SLC39A6: variants seen among roughly 807,000 people sequenced by gnomAD.
The protein encoded by SLC39A6 is solute carrier family 39 member 6.
SLC39A6 carries 51 observed loss-of-function variants against 63.5 expected under a neutral mutation model. The ratio of observed to expected loss-of-function variants is 0.80; its 90% CI spans 0.64 to 1.01. SLC39A6 has a LOEUF of 1.01. Ranked by LOEUF, SLC39A6 falls within the 50% of genes least tolerant of loss-of-function variation. The pLI, the probability that SLC39A6 is intolerant of heterozygous loss-of-function variation, is 0.00. For synonymous variants in SLC39A6, 318 were observed against 324.7 expected (o/e 0.98, Z 0.22); for missense variants, 805 against 927.8 (o/e 0.87, Z 1.72).
intron 6 of SLC39A6, among the ~76,000 whole-genome samples, chr18:36,115,622 G>C (rs981455845): frequency 6.6e-6 from 1 of 152,096 alleles, no homozygotes; most frequent in African/African-American, 2.4e-5. Flanking sequence ...GCATGTAATG[G>C]TCTCAGAGAA....
chr18:36,119,951 GAAA>G (rs1179362464), intron 5 of SLC39A6, among the ~76,000 whole-genome samples: 4 of 152,046 alleles, frequency 2.6e-5, no homozygotes, highest in African/African-American at 4.8e-5. Context: ...ATTTGGAAAT[GAAA>G]TTGAAATGAG....
At chr18:36,121,243 G>A (rs1414851013) in intron 5 of SLC39A6, among the ~76,000 whole-genome samples, 1 of 151,568 alleles carries the variant, frequency 6.6e-6, no homozygotes, top group Non-Finnish European at 1.5e-5. Flanking sequence ...TGCAGCATCC[G>A]CCTCCCAAGT....
intron 6 of SLC39A6, among the ~76,000 whole-genome samples, chr18:36,115,736 T>C (rs190081015): frequency 2.6e-5 from 4 of 152,082 alleles, no homozygotes; most frequent in Admixed American, 2.0e-4. Flanking sequence ...CAGTGAACAA[T>C]GCGGGAGAGT....
chr18:36,109,541 A>AC lies in SLC39A6; in HGVS notation c.*51dup. On this transcript the variant is annotated 3_prime_UTR_variant, in exon 10 of 10. Coordinates refer to ENST00000269187, the MANE Select transcript of SLC39A6 (RefSeq NM_012319.4). ...CAGCATACAAACTCATCTCCCTATG[A>AC]CCTACTGAAACTATGACAACTTTTT... 7.0e-7 allele frequency: 1 copy of AC among 1,433,650 alleles called. No individual in the cohort carries two copies. The allele number at this position is 1,433,650 out of a possible 1,614,324, so 88.8% of individuals were successfully genotyped here. A position where few individuals can be genotyped will look rare whatever the true frequency, so the allele number is the denominator to read the frequency against.
At chr18:36,127,705 A>G (rs1443130313) in intron 1 of SLC39A6, among the ~76,000 whole-genome samples, 1 of 151,728 alleles carries the variant, frequency 6.6e-6, no homozygotes, top group Admixed American at 6.6e-5. Flanking sequence ...AAGGTGCTCA[A>G]TTTTGCCAGT....
chr18:36,115,696 C>T (rs1464330716), intron 6 of SLC39A6, among the ~76,000 whole-genome samples: 1 of 152,022 alleles, frequency 6.6e-6, no homozygotes, highest in Non-Finnish European at 1.5e-5. Flanking sequence ...GTGCTCCCAG[C>T]GTGAAAAGAG....
chr18:36,111,993 TATAAA>T (rs2089304855), intron 8 of SLC39A6, among the ~76,000 whole-genome samples: 1 of 152,060 alleles, frequency 6.6e-6, no homozygotes, highest in Non-Finnish European at 1.5e-5. Flanking sequence ...ATGCTACAAT[TATAAA>T]AGGAGAAAAG....
rs7237745 is a variant in SLC39A6 at position 36,119,683 on chromosome 18, T to C, written c.1359+2369A>G. ...TCTGTGTCAGATAACAGAGGGCCTA[T>C]TTCTTGGAGTCCTAGGTTAAAGAGG... On this transcript the variant is annotated intron_variant, in intron 5 of 9. Transcript: ENST00000269187. 7.7e-3 allele frequency among the ~76,000 whole-genome samples: 1,173 copies of C among 152,254 alleles called. 22 individuals carry two copies. The highest frequency in any genetic ancestry group is 0.026 in the African/African-American group (1,088 of 41,538).
At chr18:36,113,676 C>T (rs549899997) in intron 7 of SLC39A6, among the ~76,000 whole-genome samples, 1 of 152,226 alleles carries the variant, frequency 6.6e-6, no homozygotes, top group East Asian at 1.9e-4. Context: ...AGGATAGAGA[C>T]TGGTAACTGG....
At chr18:36,116,568 C>A (rs2089346858) in intron 6 of SLC39A6, 106 bp downstream of exon 6, 1 of 747,136 alleles carries the variant, frequency 1.3e-6, no homozygotes. Flanking sequence ...ACTGCAAAAA[C>A]CAAAACCAAG....
Position 36,111,227 on chromosome 18 carries a change from C to T in SLC39A6, c.1947G>A (p.Lys649=). The T allele has an allele frequency of 6.2e-7, 1 of 1,614,020 alleles. No homozygotes were observed. The highest frequency in any genetic ancestry group is 8.5e-7 in the Non-Finnish European group (1 of 1,179,964). ...CAGCCTGCTTAACGGTCATGCCAGCCTTTAGTAGAACAGCAAAGTCACCTT... is the reference window on the plus strand; with the variant it reads ...CAGCCTGCTTAACGGTCATGCCAGCTTTTAGTAGAACAGCAAAGTCACCTT... ...HELGDFAVLL[K]AGMTVKQAVL... is the part of the protein sequence containing the mutation. The change falls in exon 9 of 10, where the codon AAG becomes AAA. Residue 649 remains lysine, a synonymous_variant. Transcript: ENST00000269187.
intron 3 of SLC39A6, among the ~76,000 whole-genome samples, chr18:36,124,206 G>A (rs2089416474): frequency 6.6e-6 from 1 of 152,020 alleles, no homozygotes; most frequent in Non-Finnish European, 1.5e-5. Flanking sequence ...AGGTTTCTAA[G>A]CAGCATAAAT....
At chr18:36,123,348 C>A in intron 4 of SLC39A6, 147 bp downstream of exon 4, 1 of 699,176 alleles carries the variant, frequency 1.4e-6, no homozygotes. Context: ...CAGAAAAATA[C>A]AGCTTTCACT....
chr18:36,112,774 C>A (rs984240721), intron 7 of SLC39A6, among the ~76,000 whole-genome samples, 193 bp from the exon 8 acceptor site: 1 of 152,160 alleles, frequency 6.6e-6, no homozygotes, highest in Non-Finnish European at 1.5e-5. Flanking sequence ...CCCAAAGGAG[C>A]ACATCGGGCA....
chr18:36,126,118 A>G (rs1291617066), intron 2 of SLC39A6, 101 bp downstream of exon 2: 2 of 1,183,430 alleles, frequency 1.7e-6, no homozygotes, highest in African/African-American at 3.1e-5. Flanking sequence ...AATAACTTCA[A>G]CATTTTACTT....
chr18:36,126,415 C>T lies in SLC39A6; in HGVS notation c.593G>A (p.Gly198Glu). 2 of 1,614,202 alleles carry T rather than the reference C, an allele frequency of 1.2e-6. No individual in the cohort carries two copies. Among genetic ancestry groups the T allele is most frequent in the Non-Finnish European group, 1.7e-6 (2 of 1,180,034 alleles). ...CTCTATTGTCTCTAGAAAGTGAGTT[C>T]CTTCAGAGACAGTGTTGTACACAGT... Reference protein sequence around the residue: ...TSTVYNTVSEGTHFLETIETP... With the variant: ...TSTVYNTVSEETHFLETIETP... The change falls in exon 2 of 10, where the codon GGA becomes GAA. Residue 198 changes from glycine to glutamate, a missense_variant. Coordinates refer to ENST00000269187, the MANE Select transcript of SLC39A6 (RefSeq NM_012319.4).
rs748726091 is a variant in SLC39A6, at chr18:36,126,222, C to T, written c.786G>A (p.Gln262=). The change falls in exon 2 of 10, where the codon CAG becomes CAA. Residue 262 remains glutamine, a synonymous_variant. Coordinates refer to ENST00000269187, the MANE Select transcript of SLC39A6 (RefSeq NM_012319.4). ...MYSRNTNENP[Q]ECFNASKLLT... ...TAATGAACAGCACTCATCTTACCTC[C>T]TGAGGATTTTCATTTGTGTTTCTGG... The T allele has an allele frequency of 6.2e-7, 1 of 1,613,266 alleles. No individual in the cohort carries two copies. The highest frequency in any genetic ancestry group is 8.5e-7 in the Non-Finnish European group (1 of 1,179,554).
intron 8 of SLC39A6, 84 bp downstream of exon 8, chr18:36,112,417 G>A (rs1428042341): frequency 7.4e-6 from 7 of 941,252 alleles, no homozygotes; most frequent in Non-Finnish European, 1.0e-5. Flanking sequence ...TGATGAAGAA[G>A]CTTGCTGAAC....
chr18:36,109,781 T>A, intron 9 of SLC39A6, 36 bp from the exon 10 acceptor site: 1 of 1,570,348 alleles, frequency 6.4e-7, no homozygotes, highest in Non-Finnish European at 8.6e-7. Context: ...AGAGTGACAT[T>A]TAAGTTTTTA....
Sources: gnomAD v4.1 joint callset for allele counts (sites outside exome capture counted in the v4.1 genomes callset) on GRCh38, gnomAD v4.1.1 for gene constraint, MANE v1.5 for transcripts, NCBI Gene and HGNC (gene_info 2026-07-23, HGNC 2026-07-21) for gene names.